Variants in BCAS3 observed in about 807,000 individuals in gnomAD.
BCAS3 encodes BCAS3 microtubule associated cell migration factor.
Under a neutral mutation model 116.1 loss-of-function variants are expected in BCAS3, and 53 were observed. The ratio of observed to expected loss-of-function variants is 0.46; its 90% CI spans 0.37 to 0.57. The LOEUF (loss-of-function observed/expected upper bound fraction) is 0.57. Among genes scored for constraint, BCAS3 ranks in the 20% least tolerant of loss-of-function variants. BCAS3 has a pLI of 0.00. For missense variants in BCAS3, 917 were observed against 1,165.4 expected (o/e 0.79, Z 3.10); for synonymous variants, 391 against 408.2 (o/e 0.96, Z 0.51).
chr17:60,801,627 T>G (rs571490392), intron 6 of BCAS3, among the ~76,000 whole-genome samples: 2 of 152,294 alleles, frequency 1.3e-5, no homozygotes, highest in South Asian at 4.1e-4. Context: ...TTGTGTTAAG[T>G]TATATCATCT....
chr17:61,275,796 T>A (rs2050715403), intron 22 of BCAS3, among the ~76,000 whole-genome samples: 1 of 152,216 alleles, frequency 6.6e-6, no homozygotes, highest in Admixed American at 6.5e-5. Context: ...CAGCACCGTG[T>A]GCCCTACATT....
chr17:61,050,753 AAC>A (rs2068786450), intron 19 of BCAS3, among the ~76,000 whole-genome samples: 1 of 152,054 alleles, frequency 6.6e-6, no homozygotes, highest in Non-Finnish European at 1.5e-5. Flanking sequence ...ACTTATAAGA[AAC>A]ACACTTTAAA....
chr17:61,319,839 C>T (rs1225645294), intron 22 of BCAS3, among the ~76,000 whole-genome samples: 1 of 151,522 alleles, frequency 6.6e-6, no homozygotes, highest in African/African-American at 2.4e-5. Context: ...TCACAATTTT[C>T]ATAGAATAGT....
chr17:61,327,698 T>G lies in BCAS3; in HGVS notation c.2426-40629T>G, dbSNP rs2055855634. ...CTAATTTTTGTATTTTTGGTAGAGA[T>G]GGGGTTTCACCATGTTGGCCAGGCA... On this transcript the variant is annotated intron_variant, in intron 22 of 23. Coordinates refer to ENST00000407086, the MANE Select transcript of BCAS3 (RefSeq NM_017679.5). This position sits in a 1 kb window ranked among gnomAD's most constrained non-coding sequence, Gnocchi z 5.9. 6.6e-6 allele frequency among the ~76,000 whole-genome samples: 1 copy of G among 152,072 alleles called. No homozygotes were observed. The highest frequency in any genetic ancestry group is 1.5e-5 in the Non-Finnish European group (1 of 68,020).
intron 12 of BCAS3, among the ~76,000 whole-genome samples, chr17:60,919,935 A>G (rs1310421404): frequency 6.6e-6 from 1 of 152,172 alleles, no homozygotes; most frequent in African/African-American, 2.4e-5. Context: ...AACACAAAAG[A>G]AGATAGGAGG....
Position 61,198,216 on chromosome 17 carries a change from C to G in BCAS3, c.2425+113652C>G, listed in dbSNP as rs1299119879. Among the ~76,000 whole-genome samples, 1 of 150,622 alleles carries G rather than the reference C, an allele frequency of 6.6e-6. No individual in the cohort carries two copies. Reference sequence around the variant, plus strand: ...AGTGCAGTGGCCCAATCTCAGCTTACTGCAAGCTCCACCTCCCAGGTTCAT... The same window carrying G: ...AGTGCAGTGGCCCAATCTCAGCTTAGTGCAAGCTCCACCTCCCAGGTTCAT... On this transcript the variant is annotated intron_variant, in intron 22 of 23. Coordinates refer to ENST00000407086, the MANE Select transcript of BCAS3 (RefSeq NM_017679.5). The surrounding 1 kb of genome is among the most constrained non-coding windows in gnomAD (Gnocchi z 5.0).
intron 6 of BCAS3, among the ~76,000 whole-genome samples, chr17:60,799,829 T>C (rs1355119342): frequency 1.3e-5 from 2 of 149,756 alleles, no homozygotes; most frequent in African/African-American, 2.5e-5. Context: ...GTGCTGGGAT[T>C]ATAGGCATGA....
Position 61,151,523 on chromosome 17 carries a change from G to A in BCAS3, c.2425+66959G>A, listed in dbSNP as rs76520205. Among the ~76,000 whole-genome samples, 90 of 151,462 alleles carry A rather than the reference G, an allele frequency of 5.9e-4. No individual in the cohort carries two copies. In the East Asian group the frequency reaches 0.014, roughly 24 times the overall value. On this transcript the variant is annotated intron_variant, in intron 22 of 23. Transcript: ENST00000407086. The surrounding 1 kb of genome is among the most constrained non-coding windows in gnomAD (Gnocchi z 4.8). ...CACTCTGTCACCCAGACTGGGGTAC[G>A]TGGCACAATCATGACTCACTGCAGC...
chr17:61,125,246 A>C (rs532514177), intron 22 of BCAS3, among the ~76,000 whole-genome samples: 2 of 152,324 alleles, frequency 1.3e-5, no homozygotes, highest in Admixed American at 1.3e-4. Context: ...TTGAACACGA[A>C]AATGCTTTCC....
At chr17:60,708,082 G>T (rs562653666) in intron 4 of BCAS3, among the ~76,000 whole-genome samples, 22 of 152,186 alleles carry the variant, frequency 1.4e-4, no homozygotes, top group African/African-American at 4.1e-4. Flanking sequence ...CCAGCACTTT[G>T]GGAAGCCGAG....
chr17:61,266,086 AC>A (rs1374201553), intron 22 of BCAS3, among the ~76,000 whole-genome samples: 1 of 152,214 alleles, frequency 6.6e-6, no homozygotes, highest in Non-Finnish European at 1.5e-5. Context: ...GCCTGTCCTC[AC>A]GTTCATTAAA....
intron 22 of BCAS3, among the ~76,000 whole-genome samples, chr17:61,153,823 C>T (rs894923630): frequency 6.6e-6 from 1 of 152,162 alleles, no homozygotes; most frequent in South Asian, 2.1e-4. Flanking sequence ...TTTAGTAACA[C>T]AGCGATGTGT....
chr17:61,001,930 C>A (rs903269964), intron 15 of BCAS3, among the ~76,000 whole-genome samples: 10 of 152,012 alleles, frequency 6.6e-5, no homozygotes, highest in African/African-American at 2.2e-4. Context: ...CCTCATAATA[C>A]CTTCCTGAAA....
intron 22 of BCAS3, among the ~76,000 whole-genome samples, chr17:61,096,822 A>T (rs1275208833): frequency 6.6e-6 from 1 of 152,252 alleles, no homozygotes; most frequent in Non-Finnish European, 1.5e-5. Context: ...AAGTATAATG[A>T]CAATAAGCAA....
At chr17:60,918,445 A>ATT (rs2058889726) in intron 12 of BCAS3, among the ~76,000 whole-genome samples, 1 of 152,188 alleles carries the variant, frequency 6.6e-6, no homozygotes, top group African/African-American at 2.4e-5. Flanking sequence ...TGTAGAGAAC[A>ATT]TTTTAAGTCT....
chr17:61,126,673 G>A lies in BCAS3; in HGVS notation c.2425+42109G>A, dbSNP rs775049624. On this transcript the variant is annotated intron_variant, in intron 22 of 23. Transcript: ENST00000407086. This position sits in a 1 kb window ranked among gnomAD's most constrained non-coding sequence, Gnocchi z 4.6. ...AGACGAAATGATTTCCTTTTTAGCT[G>A]CTGATTTCTACTGGGAAATGTATCC... 5.9e-5 allele frequency among the ~76,000 whole-genome samples: 9 copies of A among 152,124 alleles called. No homozygotes were observed. The highest frequency in any genetic ancestry group is 1.3e-4 in the Non-Finnish European group (9 of 68,018).
At chr17:61,192,284 T>TCAA (rs1173697605) in intron 22 of BCAS3, among the ~76,000 whole-genome samples, 1 of 123,004 alleles carries the variant, frequency 8.1e-6, no homozygotes, top group African/African-American at 2.6e-5. Flanking sequence ...TTTAGAAACG[T>TCAA]CAACATTTAT....
At position 61,012,467 on chromosome 17, in the gene BCAS3, T is replaced by A. The variant is rs1326891830; in HGVS notation, c.1487-3284T>A. On this transcript the variant is annotated intron_variant, in intron 15 of 23. Coordinates refer to ENST00000407086, the MANE Select transcript of BCAS3 (RefSeq NM_017679.5). This position sits in a 1 kb window ranked among gnomAD's most constrained non-coding sequence, Gnocchi z 4.5. The stretch of plus-strand genomic sequence containing the variant: ...GCTGAAACTACCCTACTGAAGACTA[T>A]TAGAGTTAGCTTTTTCTCTGAGTTT... 6.6e-6 allele frequency among the ~76,000 whole-genome samples: 1 copy of A among 152,076 alleles called. No homozygotes were observed. The highest frequency in any genetic ancestry group is 2.4e-5 in the African/African-American group (1 of 41,432).
chr17:60,871,606 GTT>G (rs576443532), intron 8 of BCAS3, among the ~76,000 whole-genome samples: 5 of 131,304 alleles, frequency 3.8e-5, no homozygotes, highest in Admixed American at 7.7e-5. Flanking sequence ...GTTTGTTTTT[GTT>G]TTTTTTTTTT....
Sources: gnomAD v4.1 joint callset for allele counts (sites outside exome capture counted in the v4.1 genomes callset) on GRCh38, gnomAD v4.1.1 for gene constraint, Gnocchi (gnomAD v3.1) non-coding constraint, MANE v1.5 for transcripts, NCBI Gene and HGNC (gene_info 2026-07-23, HGNC 2026-07-21) for gene names.